PCDHGB1: variants seen among roughly 807,000 people sequenced by gnomAD.
PCDHGB1 encodes the protein protocadherin gamma subfamily B, 1, also known as protocadherin gamma-B1.
Under a neutral mutation model 56.6 loss-of-function variants are expected in PCDHGB1, and 34 were observed. That is an observed-to-expected ratio of 0.60 (90% CI 0.46 to 0.80). The LOEUF (loss-of-function observed/expected upper bound fraction) is 0.80, where lower values mean the gene tolerates loss of function less well. Among genes scored for constraint, PCDHGB1 ranks in the 30% least tolerant of loss-of-function variants. PCDHGB1 has a pLI of 0.00. For missense variants in PCDHGB1, 1,278 were observed against 1,204.6 expected (o/e 1.06, Z -0.90); for synonymous variants, 561 against 505.9 (o/e 1.11, Z -1.46).
chr5:141,454,865 TG>T (rs2098805228), intron 1 of PCDHGB1, among the ~76,000 whole-genome samples: 1 of 135,344 alleles, frequency 7.4e-6, no homozygotes, highest in Non-Finnish European at 1.5e-5. Flanking sequence ...TGGAGTGCAG[TG>T]GCACGATCTT....
intron 1 of PCDHGB1, chr5:141,399,723 C>T: frequency 6.2e-7 from 1 of 1,613,322 alleles, no homozygotes; most frequent in Non-Finnish European, 8.5e-7. Flanking sequence ...AGGCCCGCGA[C>T]CAGGGCTCGC....
intron 1 of PCDHGB1, among the ~76,000 whole-genome samples, chr5:141,380,195 C>T (rs1248752838): frequency 6.6e-5 from 10 of 152,092 alleles, no homozygotes; most frequent in African/African-American, 2.4e-4. Flanking sequence ...CCACTGAGCC[C>T]GGCCTGAAAG....
intron 1 of PCDHGB1, chr5:141,398,054 A>G (rs372627681): frequency 9.0e-5 from 136 of 1,518,912 alleles, no homozygotes; most frequent in Non-Finnish European, 1.0e-4. Context: ...CGGAGATCCA[A>G]AAATCTACAA....
chr5:141,415,761 T>A (rs1047830043), intron 1 of PCDHGB1: 2 of 1,399,648 alleles, frequency 1.4e-6, no homozygotes, highest in African/African-American at 3.0e-5. Context: ...TTTTTTTTTT[T>A]TTTTTTTTTT....
intron 1 of PCDHGB1, chr5:141,415,646 A>G: frequency 6.2e-7 from 1 of 1,600,190 alleles, no homozygotes; most frequent in South Asian, 1.1e-5. Context: ...TTTGTTAAAA[A>G]AAAAAAGATT....
At position 141,505,908 on chromosome 5, in the gene PCDHGB1, T is replaced by C. The variant is rs114551975; in HGVS notation, c.2557+427T>C. On this transcript the variant is annotated intron_variant, in intron 3 of 3. Coordinates refer to ENST00000523390, the MANE Select transcript of PCDHGB1 (RefSeq NM_018922.3). ...TTAAATGAGATGATACCACAAAGCATAGAGTTCTGGGCCTGGCGCTTGGAA... is the reference window on the plus strand; with the variant it reads ...TTAAATGAGATGATACCACAAAGCACAGAGTTCTGGGCCTGGCGCTTGGAA... 4.0e-3 allele frequency among the ~76,000 whole-genome samples: 608 copies of C among 152,218 alleles called. 3 individuals are homozygous for C. The highest frequency in any genetic ancestry group is 0.013 in the African/African-American group (551 of 41,540).
At chr5:141,386,251 C>A (rs2090509345) in intron 1 of PCDHGB1, among the ~76,000 whole-genome samples, 2 of 152,070 alleles carry the variant, frequency 1.3e-5, no homozygotes, top group Admixed American at 1.3e-4. Context: ...GGAAATAACC[C>A]AATCTGGGAT....
At chr5:141,365,431 G>T (rs1297210412) in intron 1 of PCDHGB1, 7 of 1,613,892 alleles carry the variant, frequency 4.3e-6, no homozygotes, top group African/African-American at 1.3e-5. Flanking sequence ...CTGTAATCGC[G>T]CTGTTTAGCG....
chr5:141,403,030 C>T, intron 1 of PCDHGB1: 1 of 1,614,056 alleles, frequency 6.2e-7, no homozygotes, highest in Non-Finnish European at 8.5e-7. Flanking sequence ...TATGGGAGGC[C>T]AGGGCCAGTC....
At chr5:141,414,681 G>T (rs780836649) in intron 1 of PCDHGB1, 2 of 1,613,836 alleles carry the variant, frequency 1.2e-6, no homozygotes, top group Non-Finnish European at 8.5e-7. Flanking sequence ...CCATCCAGGG[G>T]GTACCTCTGT....
chr5:141,419,443 C>T (rs1476796525), intron 1 of PCDHGB1: 2 of 1,613,080 alleles, frequency 1.2e-6, no homozygotes, highest in South Asian at 2.2e-5. Flanking sequence ...TGCGCACCTT[C>T]GAGCTCACGC....
rs781173890 is a variant in PCDHGB1, at chr5:141,476,165, G to T, written c.2410-18642G>T. 5.3e-5 allele frequency: 86 copies of T among 1,613,106 alleles called. No individual in the cohort carries two copies. Among genetic ancestry groups the T allele is most frequent in the Non-Finnish European group, 7.2e-5 (85 of 1,179,976 alleles). On this transcript the variant is annotated intron_variant, in intron 1 of 3. Transcript: ENST00000523390. The surrounding 1 kb of genome is among the most constrained non-coding windows in gnomAD (Gnocchi z 7.6). ...CGGACTGGTAAGCACCGGGAGGGTA[G>T]TGGGAGTTTTGCTTCTGCTTGGTGC...
At chr5:141,469,259 A>G (rs1263722797) in intron 1 of PCDHGB1, among the ~76,000 whole-genome samples, 1 of 151,822 alleles carries the variant, frequency 6.6e-6, no homozygotes, top group Admixed American at 6.6e-5. Flanking sequence ...CTTGGGCAAC[A>G]GAGCAAGACC....
At chr5:141,360,913 T>G in intron 1 of PCDHGB1, 1 of 1,614,030 alleles carries the variant, frequency 6.2e-7, no homozygotes, top group Non-Finnish European at 8.5e-7. Flanking sequence ...GCCGGGCTTC[T>G]TTGTGCTTCA....
chr5:141,374,102 C>T, intron 1 of PCDHGB1: 2 of 1,568,166 alleles, frequency 1.3e-6, no homozygotes, highest in South Asian at 2.4e-5. Flanking sequence ...TCCGCAGAGG[C>T]ATCCGCAGCG....
In PCDHGB1 at chr5:141,511,925, G is replaced by C. The variant is rs2099884008; in HGVS notation, c.*752G>C. 1 of 155,320 alleles carries C rather than the reference G, an allele frequency of 6.4e-6. No homozygotes were observed. Among genetic ancestry groups the C allele is most frequent in the Admixed American group, 6.3e-5 (1 of 15,924 alleles). 9.6% of individuals were successfully genotyped at this position (155,320 alleles called of 1,614,324 possible). A position where few individuals can be genotyped will look rare whatever the true frequency, so the allele number is the denominator to read the frequency against. ...CCTCAAACAAGAGACTCCACTGCAT[G>C]TTCCAAGACAGTATGGGGTGGTAAG... On this transcript the variant is annotated 3_prime_UTR_variant, in exon 4 of 4. Coordinates refer to ENST00000523390, the MANE Select transcript of PCDHGB1 (RefSeq NM_018922.3).
At chr5:141,398,255 A>T (rs1244403375) in intron 1 of PCDHGB1, 1 of 1,457,928 alleles carries the variant, frequency 6.9e-7, no homozygotes, top group African/African-American at 1.4e-5. Context: ...GAAATGCCCA[A>T]GGGCTCCGTA....
chr5:141,384,134 G>A (rs746106528), intron 1 of PCDHGB1: 1 of 1,611,962 alleles, frequency 6.2e-7, no homozygotes, highest in Admixed American at 1.7e-5. Flanking sequence ...AACTTGGACC[G>A]GGAAACACTC....
rs373048330 is a variant in PCDHGB1 at position 141,384,937 on chromosome 5, C to A, written c.2409+32268C>A. On this transcript the variant is annotated intron_variant, in intron 1 of 3. Coordinates refer to ENST00000523390, the MANE Select transcript of PCDHGB1 (RefSeq NM_018922.3). Reference sequence around the variant, plus strand: ...CTTGGCCGACCTGGGCAGCCTTGAGCCCTCCGACGGTCCTTACAACTATGA... The same window carrying A: ...CTTGGCCGACCTGGGCAGCCTTGAGACCTCCGACGGTCCTTACAACTATGA... The A allele has an allele frequency of 1.6e-4, 255 of 1,614,068 alleles. 1 individual carries two copies. The South Asian group carries it at 2.7e-3, about 17-fold the overall frequency.
Sources: allele counts gnomAD v4.1 joint callset (sites outside exome capture counted in the v4.1 genomes callset), GRCh38; gene constraint gnomAD v4.1.1; non-coding constraint Gnocchi (gnomAD v3.1); transcripts MANE v1.5; gene names NCBI Gene and HGNC (gene_info 2026-07-23, HGNC 2026-07-21).